VWA3B: variants seen among roughly 807,000 people sequenced by gnomAD.
The protein encoded by VWA3B is von Willebrand factor A domain-containing protein 3B.
In VWA3B, 138 loss-of-function variants were observed where a neutral mutation model predicts 158.3. That is an observed-to-expected ratio of 0.87 (90% CI 0.76 to 1.00). The LOEUF (loss-of-function observed/expected upper bound fraction) is 1.00. Ranked by LOEUF, VWA3B falls within the 50% of genes least tolerant of loss-of-function variation. VWA3B has a pLI of 0.00. For synonymous variants in VWA3B, 596 were observed against 587.3 expected (o/e 1.01, Z -0.21); for missense variants, 1,555 against 1,565.1 (o/e 0.99, Z 0.11).
At chr2:98,230,784 G>A (rs911800144) in intron 16 of VWA3B, among the ~76,000 whole-genome samples, 1 of 152,120 alleles carries the variant, frequency 6.6e-6, no homozygotes, top group Non-Finnish European at 1.5e-5. Flanking sequence ...AGCATAGCAC[G>A]GGAAGTTCTA....
intron 7 of VWA3B, among the ~76,000 whole-genome samples, chr2:98,156,264 G>C (rs928950169): frequency 6.6e-6 from 1 of 152,244 alleles, no homozygotes; most frequent in African/African-American, 2.4e-5. Context: ...GTCCTACTGA[G>C]AAGGGGATAT....
chr2:98,185,306 T>C (rs1350641406), intron 9 of VWA3B, among the ~76,000 whole-genome samples: 1 of 152,184 alleles, frequency 6.6e-6, no homozygotes, highest in African/African-American at 2.4e-5. Context: ...CCATGCATCC[T>C]CAACCATTTT....
intron 8 of VWA3B, among the ~76,000 whole-genome samples, chr2:98,180,082 T>C (rs1234713757): frequency 6.8e-6 from 1 of 147,716 alleles, no homozygotes; most frequent in South Asian, 2.1e-4. Flanking sequence ...CTTTCTTTCT[T>C]TCTCTCTTTC....
chr2:98,303,775 C>T lies in VWA3B; in HGVS notation c.3494C>T (p.Ser1165Leu). The T allele has an allele frequency of 6.2e-7, 1 of 1,614,142 alleles. No homozygotes were observed. The change falls in exon 26 of 28, where the codon TCA becomes TTA. Residue 1165 changes from serine (S) to leucine (L), a missense_variant. Transcript: ENST00000477737. ...KYALSCSHIK[S>L]PPIPEDPEVE... ...GCGCTCTCTTGCTCTCATATAAAGTCACCCCCAATTCCTGAGGATCCAGAA... is the reference window on the plus strand; with the variant it reads ...GCGCTCTCTTGCTCTCATATAAAGTTACCCCCAATTCCTGAGGATCCAGAA...
At chr2:98,280,571 G>A (rs560148457) in intron 22 of VWA3B, among the ~76,000 whole-genome samples, 2 of 152,336 alleles carry the variant, frequency 1.3e-5, no homozygotes, top group Admixed American at 6.5e-5. Context: ...GGCACAAAGC[G>A]CTACCAGCTG....
chr2:98,090,608 A>G (rs922460458), intron 1 of VWA3B, among the ~76,000 whole-genome samples: 1 of 152,192 alleles, frequency 6.6e-6, no homozygotes, highest in African/African-American at 2.4e-5. Flanking sequence ...TCCAAGTAAT[A>G]TTGCAATATT....
chr2:98,297,740 A>G (rs1433503693), intron 23 of VWA3B, among the ~76,000 whole-genome samples, 167 bp from the exon 24 acceptor site: 2 of 152,236 alleles, frequency 1.3e-5, no homozygotes, highest in Non-Finnish European at 2.9e-5. Context: ...TGGTCAACCC[A>G]GTAGGCATCC....
intron 12 of VWA3B, 60 bp from the exon 13 acceptor site, chr2:98,211,870 C>G: frequency 1.4e-6 from 2 of 1,429,026 alleles, no homozygotes; most frequent in East Asian, 4.6e-5. Context: ...AAAATAAATA[C>G]TTGTTTGTGA....
chr2:98,283,639 G>A (rs1381484203), intron 22 of VWA3B, among the ~76,000 whole-genome samples: 1 of 152,218 alleles, frequency 6.6e-6, no homozygotes. Flanking sequence ...TGTGGCTGGT[G>A]CATTTCTCTC....
intron 8 of VWA3B, among the ~76,000 whole-genome samples, chr2:98,174,047 T>C (rs1257122074): frequency 2.0e-5 from 3 of 152,142 alleles, no homozygotes; most frequent in Admixed American, 1.3e-4. Flanking sequence ...CCCCTAATTA[T>C]GGAAACACCA....
intron 26 of VWA3B, among the ~76,000 whole-genome samples, chr2:98,306,046 G>C (rs993985725): frequency 6.6e-5 from 10 of 152,028 alleles, no homozygotes; most frequent in Non-Finnish European, 1.5e-4. Context: ...CTACATGTAG[G>C]TTTTGCCCAC....
chr2:98,317,330 A>AC (rs1467376673), downstream of VWA3B, among the ~76,000 whole-genome samples: 12 of 143,672 alleles, frequency 8.4e-5, no homozygotes, highest in Admixed American at 5.2e-4. Context: ...TAAAATTCTA[A>AC]ACCCCCCCCA....
chr2:98,141,257 A>G (rs1676758482), intron 7 of VWA3B, among the ~76,000 whole-genome samples: 1 of 152,198 alleles, frequency 6.6e-6, no homozygotes, highest in African/African-American at 2.4e-5. Context: ...TTGCACTGCG[A>G]TAAAGGAACA....
chr2:98,226,416 T>C (rs575079039), intron 14 of VWA3B, among the ~76,000 whole-genome samples: 36 of 152,336 alleles, frequency 2.4e-4, no homozygotes, highest in African/African-American at 6.5e-4. Flanking sequence ...CATGGACATC[T>C]TAACTCAAAA....
At position 98,108,995 on chromosome 2, in the gene VWA3B, T is replaced by TA. The variant is rs1673914231; in HGVS notation, c.197-6657_197-6656insA. ...TATCTATAATGTTTCTTTTCTTTTC[T>TA]TTTTTTTTTTTTTTGAGACAGAGTT... On this transcript the variant is annotated intron_variant, in intron 2 of 27. Transcript: ENST00000477737. 6.5e-5 allele frequency among the ~76,000 whole-genome samples: 5 copies of TA among 77,076 alleles called. No homozygotes were observed. The South Asian group carries it at 1.5e-3, about 24-fold the overall frequency. 50.6% of individuals were successfully genotyped at this position (77,076 alleles called of 152,430 possible).
intron 14 of VWA3B, among the ~76,000 whole-genome samples, chr2:98,222,584 G>A (rs1049013178): frequency 6.6e-6 from 1 of 152,132 alleles, no homozygotes; most frequent in Non-Finnish European, 1.5e-5. Context: ...CTTTGTCCCT[G>A]TGGGCCAAGG....
intron 13 of VWA3B, among the ~76,000 whole-genome samples, chr2:98,217,325 G>A (rs923103075): frequency 6.6e-6 from 1 of 152,122 alleles, no homozygotes; most frequent in Non-Finnish European, 1.5e-5. Flanking sequence ...TCTAGCTCCT[G>A]TGTACAGTGA....
chr2:98,183,172 A>G (rs1680732456), intron 9 of VWA3B, among the ~76,000 whole-genome samples: 1 of 149,754 alleles, frequency 6.7e-6, no homozygotes, highest in South Asian at 2.1e-4. Context: ...AGAATTATTA[A>G]TATATAGTAC....
At chr2:98,186,479 A>C (rs1229422985) in intron 9 of VWA3B, among the ~76,000 whole-genome samples, 1 of 152,148 alleles carries the variant, frequency 6.6e-6, no homozygotes, top group Non-Finnish European at 1.5e-5. Context: ...CTGATACATC[A>C]GATGGTAAAT....
Sources: allele counts gnomAD v4.1 joint callset (sites outside exome capture counted in the v4.1 genomes callset), GRCh38; gene constraint gnomAD v4.1.1; transcripts MANE v1.5; gene names NCBI Gene and HGNC (gene_info 2026-07-23, HGNC 2026-07-21).